NIPAL3: variants seen among roughly 807,000 people sequenced by gnomAD.
NIPAL3 encodes the protein NIPA like domain containing 3.
In NIPAL3, 41 loss-of-function variants were observed where a neutral mutation model predicts 47.2. The ratio of observed to expected loss-of-function variants is 0.87; its 90% CI spans 0.68 to 1.13. NIPAL3 has a LOEUF of 1.13. Among genes scored for constraint, NIPAL3 ranks in the 50% most tolerant of loss-of-function variants. The pLI is 0.00. For synonymous variants in NIPAL3, 194 were observed against 209.6 expected, an observed-to-expected ratio of 0.93 and a Z score of 0.64; for missense variants, 449 against 530.1, an observed-to-expected ratio of 0.85 and a Z score of 1.50.
At position 24,469,084 on chromosome 1, in the gene NIPAL3, A is replaced by T. The variant is rs1004913063; in HGVS notation, c.1120A>T (p.Ile374Phe). Residue 374 changes from isoleucine (I) to phenylalanine (F), a missense_variant, in exon 12 of 12, where the codon ATC (isoleucine) becomes TTC (phenylalanine). Physicochemically the swap from Ile to Phe is conservative, Grantham distance 21. Coordinates refer to ENST00000374399, the MANE Select transcript of NIPAL3 (RefSeq NM_020448.5). ...ALENNDNISE[I>F]YAPATLPVMQ... The stretch of plus-strand genomic sequence containing the variant: ...GGAAAACAATGACAACATTTCTGAG[A>T]TCTACGCTCCTGCCACCCTGCCAGT... The T allele has an allele frequency of 3.7e-6, 6 of 1,613,994 alleles. No homozygotes were observed. Among genetic ancestry groups the T allele is most frequent in the African/African-American group, 2.7e-5 (2 of 74,894 alleles).
intron 2 of NIPAL3, among the ~76,000 whole-genome samples, chr1:24,426,348 G>T (rs1048355012): frequency 1.3e-5 from 2 of 151,344 alleles, no homozygotes; most frequent in African/African-American, 4.9e-5. Flanking sequence ...AGGCTGGAAT[G>T]CAGTGGCGTG....
intron 2 of NIPAL3, among the ~76,000 whole-genome samples, chr1:24,435,799 A>C (rs1362649883): frequency 6.6e-6 from 1 of 152,220 alleles, no homozygotes; most frequent in African/African-American, 2.4e-5. Flanking sequence ...TGATAGTCCC[A>C]ACAGGGGAGT....
chr1:24,438,664 C>T (rs540375106), intron 2 of NIPAL3, among the ~76,000 whole-genome samples: 10 of 152,238 alleles, frequency 6.6e-5, no homozygotes, highest in Non-Finnish European at 5.9e-5. Flanking sequence ...ATGGACTGAA[C>T]ATATGACAGT....
At chr1:24,442,283 T>G in intron 4 of NIPAL3, 57 bp downstream of exon 4, 1 of 1,580,702 alleles carries the variant, frequency 6.3e-7, no homozygotes, top group Non-Finnish European at 8.6e-7. Context: ...GTGACCAGAG[T>G]GCCAGCGCCA....
At chr1:24,417,691 T>C (rs1342792308) in intron 1 of NIPAL3, among the ~76,000 whole-genome samples, 1 of 152,224 alleles carries the variant, frequency 6.6e-6, no homozygotes, top group African/African-American at 2.4e-5. Context: ...CCAAGCCAAA[T>C]GGTTTCTGTA....
chr1:24,452,001 C>T (rs2148830260), intron 6 of NIPAL3, among the ~76,000 whole-genome samples: 1 of 152,268 alleles, frequency 6.6e-6, no homozygotes. Flanking sequence ...GTTTTATGGT[C>T]TCTAATTAGA....
At chr1:24,417,256 G>A (rs1644099281) in intron 1 of NIPAL3, among the ~76,000 whole-genome samples, 1 of 152,134 alleles carries the variant, frequency 6.6e-6, no homozygotes, top group Non-Finnish European at 1.5e-5. Context: ...CAGGCTCTGG[G>A]CTAGATCTCA....
chr1:24,468,677 C>G (rs554209364), intron 11 of NIPAL3, among the ~76,000 whole-genome samples: 73 of 152,318 alleles, frequency 4.8e-4, no homozygotes, highest in African/African-American at 1.7e-3. Flanking sequence ...AAGCACAGTG[C>G]TAGTTCCATT....
At chr1:24,425,441 T>G (rs1644536252) in intron 2 of NIPAL3, among the ~76,000 whole-genome samples, 2 of 152,094 alleles carry the variant, frequency 1.3e-5, no homozygotes, top group Non-Finnish European at 2.9e-5. Context: ...ATATAAATCA[T>G]CAAGACAGAT....
chr1:24,439,858 AATGTTGCTTTTCTGC>A (rs1645292872), intron 2 of NIPAL3, among the ~76,000 whole-genome samples: 1 of 152,194 alleles, frequency 6.6e-6, no homozygotes, highest in Non-Finnish European at 1.5e-5. Context: ...CTGATTTTGG[AATGTTGCTTTTCTGC>A]ACAAGATGGT....
intron 11 of NIPAL3, among the ~76,000 whole-genome samples, chr1:24,467,996 G>C (rs943658129): frequency 6.6e-6 from 1 of 151,942 alleles, no homozygotes; most frequent in Non-Finnish European, 1.5e-5. Context: ...TTAATTCCCT[G>C]GCAGGAAAAG....
rs938911047 is a variant in NIPAL3, at chr1:24,451,484, C to G, written c.540+1858C>G. Among the ~76,000 whole-genome samples the G allele has an allele frequency of 6.6e-6, 1 of 151,932 alleles. No individual in the cohort carries two copies. The highest frequency in any genetic ancestry group is 1.5e-5 in the Non-Finnish European group (1 of 67,996). On this transcript the variant is annotated intron_variant, in intron 6 of 11. Coordinates refer to ENST00000374399, the MANE Select transcript of NIPAL3 (RefSeq NM_020448.5). This position sits in a 1 kb window ranked among gnomAD's most constrained non-coding sequence, Gnocchi z 4.5. ...GCCGAGGTAGGAGGATTGCTTGAGC[C>G]CAGGAACTTGAGACCAGTGTGGGCA...
chr1:24,419,799 CAA>C, intron 2 of NIPAL3, 159 bp downstream of exon 2: 2 of 652,162 alleles, frequency 3.1e-6, no homozygotes, highest in Non-Finnish European at 5.3e-6. Context: ...AAGCAAAAGA[CAA>C]GAGATGGGCC....
At position 24,472,135 on chromosome 1, in the gene NIPAL3, A is replaced by G. The variant is rs996069759; in HGVS notation, c.*2950A>G. The G allele has an allele frequency of 6.6e-6, 1 of 152,016 alleles. No homozygotes were observed. The highest frequency in any genetic ancestry group is 2.4e-5 in the African/African-American group (1 of 41,354). 9.4% of individuals were successfully genotyped at this position (152,016 alleles called of 1,614,324 possible). A position where few individuals can be genotyped will look rare whatever the true frequency, so the allele number is the denominator to read the frequency against. On this transcript the variant is annotated 3_prime_UTR_variant, in exon 12 of 12. Coordinates refer to ENST00000374399, the MANE Select transcript of NIPAL3 (RefSeq NM_020448.5). ...ATCATGGGGACAGTGCCACCCAGGA[A>G]CTGCTGCTGAGGCCTGGGAAGCTCC...
chr1:24,416,053 G>C lies in NIPAL3; in HGVS notation c.-258+149G>C. On this transcript the variant is annotated intron_variant, in intron 1 of 11. Transcript: ENST00000374399. This position sits in a 1 kb window ranked among gnomAD's most constrained non-coding sequence, Gnocchi z 4.8. ...CGCCAACCTGGGTCCCGTTGCCTTGGAATGTTCTTTCCAGTTTTGCATCGA... is the reference window on the plus strand; with the variant it reads ...CGCCAACCTGGGTCCCGTTGCCTTGCAATGTTCTTTCCAGTTTTGCATCGA... 1.0e-6 allele frequency: 1 copy of C among 985,618 alleles called. No individual in the cohort carries two copies. The highest frequency in any genetic ancestry group is 1.7e-5 in the African/African-American group (1 of 57,348). 61.1% of individuals were successfully genotyped at this position (985,618 alleles called of 1,614,324 possible). A position where few individuals can be genotyped will look rare whatever the true frequency, so the allele number is the denominator to read the frequency against.
intron 2 of NIPAL3, chr1:24,420,174 GC>G (rs1186672365): frequency 4.6e-5 from 7 of 152,130 alleles, no homozygotes; most frequent in African/African-American, 1.7e-4. Flanking sequence ...TAAAAGGAAT[GC>G]ATTCCCACTT....
intron 2 of NIPAL3, 65 bp downstream of exon 2, chr1:24,419,705 C>T: frequency 7.2e-7 from 1 of 1,396,132 alleles, no homozygotes; most frequent in Non-Finnish European, 1.0e-6. Context: ...CAGTGCTCTG[C>T]ATTGGCTAAC....
At position 24,469,164 on chromosome 1, in the gene NIPAL3, A is replaced by G; in HGVS notation, c.1200A>G (p.Leu400=). Residue 400 remains leucine, a synonymous_variant, in exon 12 of 12, where the codon CTA becomes CTG. Transcript: ENST00000374399. Reference sequence around the variant, plus strand: ...CCTCTGGGGTCCCCTACCGAGTCCTAGAGCACACCAAGAAGGAATGAGACT... The same window carrying G: ...CCTCTGGGGTCCCCTACCGAGTCCTGGAGCACACCAAGAAGGAATGAGACT... The part of the protein sequence containing the change: ...RSASGVPYRV[L]EHTKKE 6.2e-7 allele frequency: 1 copy of G among 1,613,862 alleles called. No homozygotes were observed. The highest frequency in any genetic ancestry group is 2.2e-5 in the East Asian group (1 of 44,882).
rs1570145251 is a variant in NIPAL3 at position 24,416,497 on chromosome 1, C to G, written c.-258+593C>G. On this transcript the variant is annotated intron_variant, in intron 1 of 11. Transcript: ENST00000374399. The surrounding 1 kb of genome is among the most constrained non-coding windows in gnomAD (Gnocchi z 4.8). ...CAGACGCTATGAGCCACGGCTGTCT[C>G]ATTTGTAAAACGTGCTCTGTGGGAT... is the stretch of plus-strand genomic sequence containing the variant. 4.7e-6 allele frequency: 1 copy of G among 212,958 alleles called. No homozygotes were observed. The highest frequency in any genetic ancestry group is 8.1e-6 in the Non-Finnish European group (1 of 123,828). The allele number at this position is 212,958 out of a possible 1,614,324, so 13.2% of individuals were successfully genotyped here.
Sources: gnomAD v4.1 joint callset for allele counts (sites outside exome capture counted in the v4.1 genomes callset) on GRCh38, gnomAD v4.1.1 for gene constraint, Gnocchi (gnomAD v3.1) non-coding constraint, MANE v1.5 for transcripts, NCBI Gene and HGNC (gene_info 2026-07-23, HGNC 2026-07-21) for gene names.